ITGBL1: variants seen among roughly 807,000 people sequenced by gnomAD.
ITGBL1 encodes the protein integrin beta-like protein 1.
A neutral mutation model predicts 68.5 loss-of-function variants in ITGBL1; 51 were observed. The observed-to-expected ratio is 0.74, with a 90% CI of 0.59 to 0.94. The LOEUF (loss-of-function observed/expected upper bound fraction) is 0.94, where lower values mean the gene tolerates loss of function less well. Ranked by LOEUF, ITGBL1 falls within the 40% of genes least tolerant of loss-of-function variation. ITGBL1 has a pLI of 0.00. For missense variants in ITGBL1, 649 were observed against 647.4 expected (o/e 1.00, Z -0.03); for synonymous variants, 209 against 227.3 (o/e 0.92, Z 0.72).
At chr13:101,498,250 C>G (rs528377282) in intron 2 of ITGBL1, among the ~76,000 whole-genome samples, 1 of 152,184 alleles carries the variant, frequency 6.6e-6, no homozygotes, top group South Asian at 2.1e-4. Flanking sequence ...AGTGAGTAGC[C>G]TTACTTTCCA....
chr13:101,583,299 T>C lies in ITGBL1; in HGVS notation c.811T>C (p.Cys271Arg). ...WGDIHGDTCECDERDCRAVYD... is the reference protein window; with the variant it reads ...WGDIHGDTCERDERDCRAVYD... ...AGATATTCATGGGGACACCTGTGAA[T>C]GTGATGAGAGGGACTGTAGAGCTGT... Residue 271 changes from cysteine to arginine, a missense_variant, in exon 6 of 11, where the codon TGT (cysteine) becomes CGT (arginine). Coordinates refer to ENST00000376180, the MANE Select transcript of ITGBL1 (RefSeq NM_004791.3). The C allele has an allele frequency of 6.2e-7, 1 of 1,613,342 alleles. No homozygotes were observed. The highest frequency in any genetic ancestry group is 8.5e-7 in the Non-Finnish European group (1 of 1,179,698).
chr13:101,574,850 G>C (rs993937049), intron 3 of ITGBL1, among the ~76,000 whole-genome samples: 6 of 152,016 alleles, frequency 3.9e-5, no homozygotes, highest in African/African-American at 1.4e-4. Context: ...CCATGCCTAA[G>C]GAAATCCACT....
At chr13:101,519,516 TC>T (rs1220072354) in intron 2 of ITGBL1, among the ~76,000 whole-genome samples, 2 of 152,068 alleles carry the variant, frequency 1.3e-5, no homozygotes, top group Non-Finnish European at 2.9e-5. Flanking sequence ...TTCCTGCCTG[TC>T]TGCCTGCCTG....
At position 101,567,602 on chromosome 13, in the gene ITGBL1, C is replaced by G. The variant is rs2139250725; in HGVS notation, c.317-97C>G. ...ACATGAGTTTCAATTTATTATAGCTCAGTCCCAAATCAATGTCACTGTTAA... is the reference window on the plus strand; with the variant it reads ...ACATGAGTTTCAATTTATTATAGCTGAGTCCCAAATCAATGTCACTGTTAA... On this transcript the variant is annotated intron_variant, in intron 2 of 10. Transcript: ENST00000376180. The G allele has an allele frequency of 3.6e-6, 4 of 1,122,410 alleles. No individual in the cohort carries two copies. In the South Asian group the frequency reaches 5.0e-5, roughly 14 times the overall value. The allele number at this position is 1,122,410 out of a possible 1,614,324, so 69.5% of individuals were successfully genotyped here. A position where few individuals can be genotyped will look rare whatever the true frequency, so the allele number is the denominator to read the frequency against.
intron 2 of ITGBL1, among the ~76,000 whole-genome samples, chr13:101,492,315 A>G (rs768252758): frequency 1.3e-5 from 2 of 152,112 alleles, no homozygotes; most frequent in African/African-American, 4.8e-5. Flanking sequence ...TCAATATATG[A>G]CTGTATTTGT....
intron 2 of ITGBL1, among the ~76,000 whole-genome samples, chr13:101,539,879 A>G (rs1260811948): frequency 2.0e-5 from 3 of 151,958 alleles, no homozygotes; most frequent in Admixed American, 6.6e-5. Context: ...CATATACTTC[A>G]CCCACTTTTT....
intron 2 of ITGBL1, among the ~76,000 whole-genome samples, chr13:101,511,700 CACAA>C (rs1229911960): frequency 6.6e-6 from 1 of 151,980 alleles, no homozygotes; most frequent in Non-Finnish European, 1.5e-5. Context: ...AAATGAATTC[CACAA>C]ACAACCTGTG....
intron 2 of ITGBL1, among the ~76,000 whole-genome samples, chr13:101,500,792 C>T (rs1295289627): frequency 6.6e-6 from 1 of 152,150 alleles, no homozygotes; most frequent in African/African-American, 2.4e-5. Context: ...TATTTGGATA[C>T]ACATGTAAGT....
At chr13:101,694,281 A>G (rs2033951852) in intron 8 of ITGBL1, among the ~76,000 whole-genome samples, 1 of 152,212 alleles carries the variant, frequency 6.6e-6, no homozygotes, top group South Asian at 2.1e-4. Context: ...AGGACATGAC[A>G]TATATTAACT....
At chr13:101,567,147 T>C (rs893336149) in intron 2 of ITGBL1, among the ~76,000 whole-genome samples, 3 of 152,152 alleles carry the variant, frequency 2.0e-5, no homozygotes, top group African/African-American at 7.2e-5. Context: ...GAGAAATTTA[T>C]GTGGAGGCAG....
chr13:101,623,445 A>T (rs575962026), intron 7 of ITGBL1, among the ~76,000 whole-genome samples: 2 of 152,284 alleles, frequency 1.3e-5, no homozygotes, highest in Admixed American at 1.3e-4. Context: ...CTAACATACA[A>T]TTGTCATTTT....
intron 5 of ITGBL1, among the ~76,000 whole-genome samples, chr13:101,580,406 A>G (rs755644966): frequency 2.7e-5 from 4 of 150,722 alleles, no homozygotes; most frequent in African/African-American, 4.9e-5. Flanking sequence ...AAATCTTACT[A>G]TATATCATAC....
rs2139521623 is a variant in ITGBL1 at position 101,678,700 on chromosome 13, C to T, written c.1016-13885C>T. Among the ~76,000 whole-genome samples the T allele has an allele frequency of 1.3e-5, 2 of 152,108 alleles. 1 individual carries two copies. Among genetic ancestry groups the T allele is most frequent in the South Asian group, 4.2e-4 (2 of 4,818 alleles). The stretch of plus-strand genomic sequence containing the variant: ...ATTTTTAGTAGAGACTGGGTTTCAC[C>T]ATGTTGGCCAGGCTAGTCTTGAACT... On this transcript the variant is annotated intron_variant, in intron 7 of 10. Coordinates refer to ENST00000376180, the MANE Select transcript of ITGBL1 (RefSeq NM_004791.3).
At chr13:101,585,951 A>G (rs2050549036) in intron 6 of ITGBL1, among the ~76,000 whole-genome samples, 1 of 152,042 alleles carries the variant, frequency 6.6e-6, no homozygotes, top group Non-Finnish European at 1.5e-5. Flanking sequence ...AACTAACTAC[A>G]TTATAGCGAT....
At chr13:101,704,911 C>T (rs1321174286) in intron 8 of ITGBL1, among the ~76,000 whole-genome samples, 1 of 152,108 alleles carries the variant, frequency 6.6e-6, no homozygotes, top group Non-Finnish European at 1.5e-5. Flanking sequence ...ACAATTACCT[C>T]ATTTATTTGT....
At chr13:101,489,816 C>T in intron 2 of ITGBL1, 1 of 580,934 alleles carries the variant, frequency 1.7e-6, no homozygotes, top group Non-Finnish European at 3.1e-6. Flanking sequence ...TGCTGCGATA[C>T]TGATCAAACT....
rs565554206 is a variant in ITGBL1, at chr13:101,716,205, T to A, written c.*551T>A. 1 of 152,328 alleles carries A rather than the reference T, an allele frequency of 6.6e-6. No homozygotes were observed. Among genetic ancestry groups the A allele is most frequent in the South Asian group, 2.1e-4 (1 of 4,830 alleles). 9.4% of individuals were successfully genotyped at this position (152,328 alleles called of 1,614,324 possible). Reference sequence around the variant, plus strand: ...ATTAATCGATCAGATTTTTCCAGAATTCCGTATCAGTCACCATTTTAATAT... The same window carrying A: ...ATTAATCGATCAGATTTTTCCAGAAATCCGTATCAGTCACCATTTTAATAT... On this transcript the variant is annotated 3_prime_UTR_variant, in exon 11 of 11. Transcript: ENST00000376180.
chr13:101,454,808 C>G (rs1022324996), intron 2 of ITGBL1, among the ~76,000 whole-genome samples: 1 of 152,114 alleles, frequency 6.6e-6, no homozygotes, highest in Non-Finnish European at 1.5e-5. Flanking sequence ...AAAAAGTAAA[C>G]GGGCACATAT....
At chr13:101,541,296 C>T (rs1420524912) in intron 2 of ITGBL1, among the ~76,000 whole-genome samples, 2 of 152,024 alleles carry the variant, frequency 1.3e-5, no homozygotes, top group African/African-American at 2.4e-5. Flanking sequence ...GCCTTTTCTG[C>T]ATCTATTGAG....
Sources: allele counts gnomAD v4.1 joint callset (sites outside exome capture counted in the v4.1 genomes callset), GRCh38; gene constraint gnomAD v4.1.1; transcripts MANE v1.5; gene names NCBI Gene and HGNC (gene_info 2026-07-23, HGNC 2026-07-21).